Variants in SLC35F4 observed in about 807,000 individuals in gnomAD.
SLC35F4 encodes solute carrier family 35 member F4, also known as chromosome 14 open reading frame 36.
SLC35F4 carries 24 observed loss-of-function variants against 44.2 expected under a neutral mutation model. The observed-to-expected ratio is 0.54, with a 90% CI of 0.39 to 0.76. The LOEUF is 0.76. Ranked by LOEUF, SLC35F4 falls within the 30% of genes least tolerant of loss-of-function variation. The probability of loss-of-function intolerance (pLI) is 0.00; values close to 1 mark genes in which losing one functional copy is unlikely to be tolerated. For synonymous variants in SLC35F4, 238 were observed against 223.6 expected (o/e 1.06, Z -0.57); for missense variants, 562 against 586.1 (o/e 0.96, Z 0.42).
At chr14:57,758,064 G>A (rs868002941) in intron 1 of SLC35F4, among the ~76,000 whole-genome samples, 9 of 144,952 alleles carry the variant, frequency 6.2e-5, no homozygotes, top group South Asian at 2.3e-4. Flanking sequence ...TTTTAAAAAC[G>A]TTGCACCACT....
At chr14:57,760,992 T>C (rs1207619319) in intron 1 of SLC35F4, among the ~76,000 whole-genome samples, 1 of 152,140 alleles carries the variant, frequency 6.6e-6, no homozygotes, top group Non-Finnish European at 1.5e-5. Flanking sequence ...CTAACCACAT[T>C]GGTTTTTCTA....
intron 1 of SLC35F4, among the ~76,000 whole-genome samples, chr14:57,916,245 T>C (rs1889327556): frequency 6.6e-6 from 1 of 152,142 alleles, no homozygotes; most frequent in Non-Finnish European, 1.5e-5. Context: ...ACTCCTGCAA[T>C]AATCCCATTA....
chr14:57,706,300 G>A (rs996941018), intron 1 of SLC35F4, among the ~76,000 whole-genome samples: 1 of 152,172 alleles, frequency 6.6e-6, no homozygotes, highest in Non-Finnish European at 1.5e-5. Context: ...AAGTGAGAGG[G>A]AGAAACGGGT....
chr14:57,732,720 G>A (rs1170271356), intron 1 of SLC35F4, among the ~76,000 whole-genome samples: 1 of 152,090 alleles, frequency 6.6e-6, no homozygotes, highest in Non-Finnish European at 1.5e-5. Context: ...TGAGTTATGG[G>A]AATGCAATAA....
intron 2 of SLC35F4, among the ~76,000 whole-genome samples, chr14:57,592,123 A>G (rs1594974929): frequency 1.3e-5 from 2 of 152,220 alleles, no homozygotes; most frequent in Non-Finnish European, 2.9e-5. Flanking sequence ...TTTTGTTATC[A>G]TTAAAATTGT....
intron 1 of SLC35F4, among the ~76,000 whole-genome samples, chr14:57,832,292 C>T (rs1301880684): frequency 6.6e-6 from 1 of 151,648 alleles, no homozygotes; most frequent in Non-Finnish European, 1.5e-5. Context: ...AGTTTAACTG[C>T]TCTAGTCACC....
intron 1 of SLC35F4, among the ~76,000 whole-genome samples, chr14:57,940,934 C>T (rs1262504685): frequency 3.9e-5 from 6 of 152,184 alleles, no homozygotes; most frequent in African/African-American, 1.4e-4. Flanking sequence ...TGTAAAAATA[C>T]TTAGTGTCAC....
intron 1 of SLC35F4, among the ~76,000 whole-genome samples, chr14:57,834,039 C>T (rs1884657600): frequency 6.6e-6 from 1 of 152,176 alleles, no homozygotes; most frequent in African/African-American, 2.4e-5. Context: ...AAACAACCCT[C>T]ATTATTAAAA....
At chr14:57,783,538 A>C (rs2077681017) in intron 1 of SLC35F4, among the ~76,000 whole-genome samples, 1 of 152,188 alleles carries the variant, frequency 6.6e-6, no homozygotes, top group African/African-American at 2.4e-5. Flanking sequence ...CTTATCAATA[A>C]AGTTGCTAAC....
intron 1 of SLC35F4, among the ~76,000 whole-genome samples, chr14:57,703,184 C>G (rs912640093): frequency 2.6e-5 from 4 of 152,156 alleles, no homozygotes; most frequent in African/African-American, 9.7e-5. Context: ...CGTCCATCAA[C>G]TTCATCTTCA....
At chr14:57,620,905 C>T (rs12437390) in intron 1 of SLC35F4, among the ~76,000 whole-genome samples, 67,307 of 151,348 alleles carry the variant, frequency 0.44, 16,638 homozygotes, top group Non-Finnish European at 0.56. Flanking sequence ...CATGATTGTA[C>T]ATCTAGAAAA....
intron 1 of SLC35F4, among the ~76,000 whole-genome samples, chr14:57,617,104 T>C (rs1595062443): frequency 6.6e-6 from 1 of 150,682 alleles, no homozygotes; most frequent in East Asian, 1.9e-4. Context: ...TATTGGAAAT[T>C]CGAGCTCAGC....
At chr14:57,909,541 TACACACACACAC>T (rs56024301) in intron 1 of SLC35F4, among the ~76,000 whole-genome samples, 20,694 of 148,572 alleles carry the variant, frequency 0.14, 1,538 homozygotes, top group Middle Eastern at 0.21. Context: ...CAGTTGGAAA[TACACACACACAC>T]ACACACACAC....
At chr14:57,741,302 G>A (rs2076600637) in intron 1 of SLC35F4, among the ~76,000 whole-genome samples, 1 of 152,166 alleles carries the variant, frequency 6.6e-6, no homozygotes, top group African/African-American at 2.4e-5. Flanking sequence ...AGCTAAAGGA[G>A]GATGTTTGAA....
At chr14:57,619,944 G>C (rs936404102) in intron 1 of SLC35F4, among the ~76,000 whole-genome samples, 6 of 151,796 alleles carry the variant, frequency 4.0e-5, no homozygotes, top group African/African-American at 1.5e-4. Context: ...AGATATCAGA[G>C]ACTGAAGATC....
chr14:57,743,692 A>G (rs2076681208), intron 1 of SLC35F4, among the ~76,000 whole-genome samples: 1 of 152,246 alleles, frequency 6.6e-6, no homozygotes, highest in South Asian at 2.1e-4. Flanking sequence ...TCCAATCAAT[A>G]GAAAAAGAGG....
At chr14:57,925,916 A>T (rs1889560756) in intron 1 of SLC35F4, among the ~76,000 whole-genome samples, 1 of 152,162 alleles carries the variant, frequency 6.6e-6, no homozygotes, top group Non-Finnish European at 1.5e-5. Context: ...GCATTTACTT[A>T]GCACTTGCCC....
intron 1 of SLC35F4, among the ~76,000 whole-genome samples, chr14:57,745,923 G>T (rs2076741696): frequency 6.6e-6 from 1 of 152,174 alleles, no homozygotes; most frequent in Non-Finnish European, 1.5e-5. Context: ...ATGAGTTCAT[G>T]TCCTTTGTAG....
intron 1 of SLC35F4, among the ~76,000 whole-genome samples, chr14:57,701,128 T>C (rs980170945): frequency 1.3e-5 from 2 of 152,124 alleles, no homozygotes; most frequent in Admixed American, 1.3e-4. Context: ...TAAGCCACCA[T>C]GCCTGGCCTA....
Sources: allele counts gnomAD v4.1 joint callset (sites outside exome capture counted in the v4.1 genomes callset), GRCh38; gene constraint gnomAD v4.1.1; transcripts MANE v1.5; gene names NCBI Gene and HGNC (gene_info 2026-07-23, HGNC 2026-07-21).